LAMC1: variants seen among roughly 807,000 people sequenced by gnomAD.
LAMC1 encodes the protein laminin subunit gamma 1.
A neutral mutation model predicts 173.6 loss-of-function variants in LAMC1; 38 were observed. That is an observed-to-expected ratio of 0.22 (90% confidence interval 0.17 to 0.29). LAMC1 has a LOEUF of 0.29. Among genes scored for constraint, LAMC1 ranks in the 10% least tolerant of loss-of-function variants. The pLI is 1.00. For missense variants in LAMC1, 1,824 were observed against 2,051.8 expected (o/e 0.89, Z 2.14); for synonymous variants, 746 against 749.1 (o/e 1.00, Z 0.07).
chr1:183,097,048 C>T (rs1655711785), intron 1 of LAMC1, among the ~76,000 whole-genome samples: 1 of 152,112 alleles, frequency 6.6e-6, no homozygotes, highest in South Asian at 2.1e-4. Context: ...TTAAGTTGGC[C>T]TTGGGTCGTC....
At chr1:183,037,742 A>T (rs1469908748) in intron 1 of LAMC1, among the ~76,000 whole-genome samples, 1 of 151,724 alleles carries the variant, frequency 6.6e-6, no homozygotes, top group Non-Finnish European at 1.5e-5. Flanking sequence ...AGATACCTTA[A>T]TTTTTTTTGG....
chr1:183,118,134 T>C lies in LAMC1; in HGVS notation c.1978T>C (p.Tyr660His). Residue 660 changes from tyrosine (Y) to histidine (H), a missense_variant, in exon 11 of 28, where the codon TAC becomes CAC. Tyr to His is a moderately conservative substitution (Grantham distance 83). Coordinates refer to ENST00000258341, the MANE Select transcript of LAMC1 (RefSeq NM_002293.4). ...GACCTCTATCAAGATACGTGGGACA[T>C]ACAGTGAGAGAAGTAAGTTATGATA... ...NLTSIKIRGTYSERSAGYLDD... is the reference protein window; with the variant it reads ...NLTSIKIRGTHSERSAGYLDD... 6.4e-7 allele frequency: 1 copy of C among 1,566,260 alleles called. No individual in the cohort carries two copies. The highest frequency in any genetic ancestry group is 8.8e-7 in the Non-Finnish European group (1 of 1,137,394).
intron 1 of LAMC1, among the ~76,000 whole-genome samples, chr1:183,099,169 A>T (rs893838299): frequency 1.9e-4 from 29 of 151,374 alleles, no homozygotes; most frequent in Admixed American, 1.8e-3. Flanking sequence ...GCTCACTGCA[A>T]CCTCCGCCTC....
At chr1:183,105,156 T>G (rs920677700) in intron 2 of LAMC1, among the ~76,000 whole-genome samples, 1 of 118,392 alleles carries the variant, frequency 8.4e-6, no homozygotes, top group African/African-American at 3.3e-5. Flanking sequence ...ACCCGGGAGG[T>G]GGAGGTTGCA....
chr1:183,111,220 G>A (rs1388720515), intron 4 of LAMC1, among the ~76,000 whole-genome samples: 1 of 151,688 alleles, frequency 6.6e-6, no homozygotes, highest in African/African-American at 2.4e-5. Flanking sequence ...CTGAGTAGCT[G>A]GGATTACAGG....
At chr1:183,031,995 G>C (rs961976748) in intron 1 of LAMC1, among the ~76,000 whole-genome samples, 2 of 152,154 alleles carry the variant, frequency 1.3e-5, no homozygotes, top group African/African-American at 4.8e-5. Flanking sequence ...CCTTTCTTGT[G>C]ATATAAAGTT....
At chr1:183,131,058 C>T (rs184387411) in intron 19 of LAMC1, among the ~76,000 whole-genome samples, 6 of 151,394 alleles carry the variant, frequency 4.0e-5, no homozygotes, top group Middle Eastern at 3.4e-3. Flanking sequence ...CCTGTAATCC[C>T]GGCTACTTGG....
rs554828009 is a variant in LAMC1 at position 183,142,018 on chromosome 1, C to T, written c.4574-516C>T. Among the ~76,000 whole-genome samples the T allele has an allele frequency of 9.2e-4, 140 of 152,222 alleles. 1 individual carries two copies. Among genetic ancestry groups the T allele is most frequent in the African/African-American group, 3.2e-3 (133 of 41,552 alleles). On this transcript the variant is annotated intron_variant, in intron 27 of 27. Transcript: ENST00000258341. The stretch of plus-strand genomic sequence containing the variant: ...GCTGAAATTATTTCAGCATTTTACT[C>T]CTGGCCATTTTCCATAGGAAGGCTC...
At chr1:183,039,874 C>T (rs1654079530) in intron 1 of LAMC1, among the ~76,000 whole-genome samples, 1 of 152,132 alleles carries the variant, frequency 6.6e-6, no homozygotes, top group Admixed American at 6.5e-5. Flanking sequence ...TCTGTTTTTA[C>T]TTTTAGAACC....
chr1:183,140,678 A>G (rs1657089699), intron 27 of LAMC1, 175 bp downstream of exon 27: 1 of 400,912 alleles, frequency 2.5e-6, no homozygotes, highest in Non-Finnish European at 4.4e-6. Flanking sequence ...TGAAAGCCTT[A>G]TAAAATAAAT....
chr1:183,131,838 A>G lies in LAMC1; in HGVS notation c.3566+460A>G, dbSNP rs911475635. The stretch of plus-strand genomic sequence containing the variant: ...AAAGTAGTTTTTCTGAAGAATTATA[A>G]ACATTTTCTCTTATAAATGTATACC... On this transcript the variant is annotated intron_variant, in intron 20 of 27. Coordinates refer to ENST00000258341, the MANE Select transcript of LAMC1 (RefSeq NM_002293.4). Among the ~76,000 whole-genome samples the G allele has an allele frequency of 1.6e-4, 25 of 152,340 alleles. No individual in the cohort carries two copies. The East Asian group carries it at 4.4e-3, about 27-fold the overall frequency.
chr1:183,041,495 T>C (rs1654131775), intron 1 of LAMC1, among the ~76,000 whole-genome samples: 1 of 152,304 alleles, frequency 6.6e-6, no homozygotes, highest in Non-Finnish European at 1.5e-5. Context: ...TCCACTCACT[T>C]CTAAAATCCA....
chr1:183,035,569 A>G (rs1653959294), intron 1 of LAMC1, among the ~76,000 whole-genome samples: 1 of 152,188 alleles, frequency 6.6e-6, no homozygotes, highest in South Asian at 2.1e-4. Context: ...GCTTCTAGAA[A>G]TTTCTAAGGA....
chr1:183,088,705 G>A (rs1380195458), intron 1 of LAMC1, among the ~76,000 whole-genome samples: 3 of 152,166 alleles, frequency 2.0e-5, no homozygotes, highest in African/African-American at 4.8e-5. Flanking sequence ...CTATGTGTTC[G>A]GAAAAGTAAG....
intron 1 of LAMC1, among the ~76,000 whole-genome samples, chr1:183,053,045 C>G (rs1654476121): frequency 1.3e-5 from 2 of 152,036 alleles, no homozygotes; most frequent in Admixed American, 1.3e-4. Context: ...TTGGAGTTCT[C>G]TGTACTTCTG....
intron 2 of LAMC1, among the ~76,000 whole-genome samples, chr1:183,106,589 C>G (rs990838042): frequency 6.6e-6 from 1 of 152,172 alleles, no homozygotes; most frequent in African/African-American, 2.4e-5. Context: ...TTGCTTGTTA[C>G]GTCTCCAAAG....
intron 15 of LAMC1, among the ~76,000 whole-genome samples, chr1:183,125,822 C>T (rs889689706): frequency 2.6e-5 from 4 of 152,060 alleles, no homozygotes; most frequent in African/African-American, 7.2e-5. Context: ...AGAATCAGAC[C>T]CTTCAGGGTT....
rs2102108813 is a variant in LAMC1 at position 183,134,775 on chromosome 1, A to G, written c.3965A>G (p.Lys1322Arg). The change falls in exon 23 of 28, where the codon AAG becomes AGG. Residue 1322 changes from lysine (K) to arginine (R), a missense_variant. By Grantham distance (26) the Lys-to-Arg change is conservative. Coordinates refer to ENST00000258341, the MANE Select transcript of LAMC1 (RefSeq NM_002293.4). ...ATGAGAGGGAAGGAACTTGAAGTCA[A>G]GAACCTTCTGGAGAAAGGCAAGACT... ...EDMRGKELEVKNLLEKGKTEQ... is the reference protein window; with the variant it reads ...EDMRGKELEVRNLLEKGKTEQ... 2 of 1,613,784 alleles carry G rather than the reference A, an allele frequency of 1.2e-6. No individual in the cohort carries two copies. Among genetic ancestry groups the G allele is most frequent in the Middle Eastern group, 1.6e-4 (1 of 6,062 alleles).
At chr1:183,123,426 T>C (rs532566532) in intron 13 of LAMC1, among the ~76,000 whole-genome samples, 1 of 152,308 alleles carries the variant, frequency 6.6e-6, no homozygotes, top group South Asian at 2.1e-4. Flanking sequence ...TTTTAAACCC[T>C]CCAATAGCTT....
Sources: allele counts gnomAD v4.1 joint callset (sites outside exome capture counted in the v4.1 genomes callset), GRCh38; gene constraint gnomAD v4.1.1; transcripts MANE v1.5; gene names NCBI Gene and HGNC (gene_info 2026-07-23, HGNC 2026-07-21).